The following DLGAP2 variants were observed in gnomAD, a reference collection of about 807,000 sequenced individuals.
DLGAP2 encodes the protein DLG associated protein 2.
In DLGAP2, 26 loss-of-function variants were observed where a neutral mutation model predicts 100.3. The ratio of observed to expected loss-of-function variants is 0.26; its 90% confidence interval spans 0.19 to 0.36. DLGAP2 has a LOEUF of 0.36. Ranked by LOEUF, DLGAP2 falls within the 10% of genes least tolerant of loss-of-function variation. The pLI is 1.00. For synonymous variants in DLGAP2, 886 were observed against 630.1 expected (o/e 1.41, Z -6.08); for missense variants, 1,858 against 1,453.2 (o/e 1.28, Z -4.53).
chr8:1,479,935 T>A (rs1799042932), intron 3 of DLGAP2, among the ~76,000 whole-genome samples: 1 of 152,212 alleles, frequency 6.6e-6, no homozygotes, highest in Admixed American at 6.5e-5. Context: ...GTAAATTGGG[T>A]AGTGCTGGCG....
chr8:1,200,201 G>T (rs571361486), intron 2 of DLGAP2, among the ~76,000 whole-genome samples: 1 of 152,176 alleles, frequency 6.6e-6, no homozygotes, highest in African/African-American at 2.4e-5. Context: ...GTGCAGCACC[G>T]GGTGTCACCT....
intron 3 of DLGAP2, among the ~76,000 whole-genome samples, chr8:1,376,854 G>T (rs1253736531): frequency 1.3e-5 from 2 of 152,220 alleles, no homozygotes; most frequent in Admixed American, 1.3e-4. Context: ...GGCCGTGAAA[G>T]CGAAATGTGC....
intron 3 of DLGAP2, among the ~76,000 whole-genome samples, chr8:1,337,038 T>A (rs1801290435): frequency 6.6e-6 from 1 of 152,144 alleles, no homozygotes; most frequent in Non-Finnish European, 1.5e-5. Context: ...TGGTGATCAG[T>A]ACATAGTAAC....
At chr8:1,118,714 A>T (rs1182745835) in intron 2 of DLGAP2, among the ~76,000 whole-genome samples, 1 of 152,216 alleles carries the variant, frequency 6.6e-6, no homozygotes, top group East Asian at 1.9e-4. Context: ...GACCGAAAGA[A>T]CTTGGAGATA....
chr8:1,352,380 T>C (rs1801756128), intron 3 of DLGAP2, among the ~76,000 whole-genome samples: 1 of 151,944 alleles, frequency 6.6e-6, no homozygotes. Flanking sequence ...TGGGGCTTCC[T>C]CATGGGGCCA....
At chr8:1,270,494 C>T (rs1799558949) in intron 3 of DLGAP2, among the ~76,000 whole-genome samples, 1 of 152,198 alleles carries the variant, frequency 6.6e-6, no homozygotes, top group South Asian at 2.1e-4. Context: ...GATTGACTTT[C>T]CTCAGGAGAA....
intron 6 of DLGAP2, among the ~76,000 whole-genome samples, chr8:1,589,084 G>A (rs559455334): frequency 3.3e-4 from 50 of 152,190 alleles, no homozygotes; most frequent in Non-Finnish European, 6.0e-4. Flanking sequence ...AATAATGTAT[G>A]AATGCACAGT....
At chr8:1,491,071 G>A (rs1390567327) in intron 3 of DLGAP2, among the ~76,000 whole-genome samples, 3 of 29,686 alleles carry the variant, frequency 1.0e-4, no homozygotes, top group Admixed American at 5.0e-4. Context: ...AAAATAAACT[G>A]GAAACCAAAA....
intron 2 of DLGAP2, among the ~76,000 whole-genome samples, chr8:1,120,239 C>T (rs1356894227): frequency 3.9e-5 from 6 of 152,100 alleles, no homozygotes; most frequent in Non-Finnish European, 8.8e-5. Flanking sequence ...GTGGCTCACA[C>T]CCAGACACGG....
chr8:776,947 G>A (rs1305949141), intron 1 of DLGAP2, among the ~76,000 whole-genome samples: 1 of 152,110 alleles, frequency 6.6e-6, no homozygotes, highest in Non-Finnish European at 1.5e-5. Flanking sequence ...GTTGACAGTG[G>A]GGTGTTAAAA....
intron 1 of DLGAP2, among the ~76,000 whole-genome samples, chr8:796,707 C>G (rs1796043479): frequency 1.3e-5 from 2 of 152,312 alleles, no homozygotes; most frequent in South Asian, 4.1e-4. Flanking sequence ...GGCTGGACCT[C>G]TAGTGTGTAG....
chr8:1,130,101 GCGAGTTAAGGGATCGTGTCAGACA>G (rs1435156170), intron 2 of DLGAP2, among the ~76,000 whole-genome samples: 5 of 2,146 alleles, frequency 2.3e-3, no homozygotes, highest in African/African-American at 5.1e-3. Flanking sequence ...GACACTTCAC[GCGAGTTAAGGGATCGTGTCAGACA>G]CTTCACGCGA....
At chr8:1,511,029 C>T (rs1800142721) in intron 4 of DLGAP2, among the ~76,000 whole-genome samples, 1 of 152,226 alleles carries the variant, frequency 6.6e-6, no homozygotes, top group African/African-American at 2.4e-5. Context: ...AGTATTTGTT[C>T]TCCCCAGGGC....
At chr8:1,593,081 G>A (rs1451387492) in intron 6 of DLGAP2, among the ~76,000 whole-genome samples, 1 of 152,140 alleles carries the variant, frequency 6.6e-6, no homozygotes, top group Non-Finnish European at 1.5e-5. Flanking sequence ...AGATAATGGA[G>A]TAGGAAGGTC....
intron 3 of DLGAP2, among the ~76,000 whole-genome samples, chr8:1,469,675 C>T (rs561753149): frequency 1.3e-5 from 2 of 152,190 alleles, no homozygotes; most frequent in African/African-American, 4.8e-5. Context: ...GTCAGAAGCA[C>T]CTGCTCTGCA....
intron 4 of DLGAP2, among the ~76,000 whole-genome samples, chr8:1,505,149 A>G (rs1356463108): frequency 2.6e-5 from 4 of 152,188 alleles, no homozygotes; most frequent in African/African-American, 9.6e-5. Flanking sequence ...TCATCTTTAA[A>G]TTGAGAGGGT....
intron 6 of DLGAP2, among the ~76,000 whole-genome samples, chr8:1,580,336 A>T (rs1438916813): frequency 6.6e-6 from 1 of 152,200 alleles, no homozygotes; most frequent in South Asian, 2.1e-4. Context: ...TTTCAGAAAT[A>T]AAGGATTTTG....
intron 2 of DLGAP2, among the ~76,000 whole-genome samples, chr8:1,071,951 G>C (rs376386967): frequency 6.6e-6 from 1 of 152,196 alleles, no homozygotes; most frequent in Non-Finnish European, 1.5e-5. Context: ...TTTGGGTGCC[G>C]TGCTGGCTGT....
chr8:1,521,155 G>T (rs912880261), intron 4 of DLGAP2, among the ~76,000 whole-genome samples: 2 of 140,088 alleles, frequency 1.4e-5, no homozygotes, highest in Non-Finnish European at 1.5e-5. Context: ...ATACTTGGGC[G>T]GCAGGTGATA....
Sources: allele counts gnomAD v4.1 joint callset (sites outside exome capture counted in the v4.1 genomes callset), GRCh38; gene constraint gnomAD v4.1.1; transcripts MANE v1.5; gene names NCBI Gene and HGNC (gene_info 2026-07-23, HGNC 2026-07-21).